The following ANKRD28 variants were observed in gnomAD, a reference collection of about 807,000 sequenced individuals.
ANKRD28 encodes ankyrin repeat domain 28.
Under a neutral mutation model 126.5 loss-of-function variants are expected in ANKRD28, and 44 were observed. The ratio of observed to expected loss-of-function variants is 0.35; its 90% CI spans 0.27 to 0.45. The LOEUF is 0.45. Among genes scored for constraint, ANKRD28 ranks in the 20% least tolerant of loss-of-function variants. The pLI, the probability that ANKRD28 is intolerant of heterozygous loss-of-function variation, is 1.00. For missense variants in ANKRD28, 1,110 were observed against 1,316.6 expected (o/e 0.84, Z 2.43); for synonymous variants, 442 against 468.5 (o/e 0.94, Z 0.73).
rs2066877668 is a variant in ANKRD28, at chr3:15,675,834, C to T, written c.2965+64G>A. 6.7e-6 allele frequency: 9 copies of T among 1,333,738 alleles called. No homozygotes were observed. In the South Asian group the frequency reaches 1.1e-4, roughly 16 times the overall value. The allele number at this position is 1,333,738 out of a possible 1,614,324, so 82.6% of individuals were successfully genotyped here. A position where few individuals can be genotyped will look rare whatever the true frequency, so the allele number is the denominator to read the frequency against. ...ATAAAAAATATCCAAGTTTATTTCT[C>T]TTCAAATATGGATCAAAAGATAAAA... On this transcript the variant is annotated intron_variant, in intron 27 of 27. Transcript: ENST00000683139.
At position 15,796,815 on chromosome 3, in the gene ANKRD28, G is replaced by A. The variant is rs1395309483; in HGVS notation, c.-294C>T. The A allele has an allele frequency of 2.0e-6, 2 of 987,766 alleles. No individual in the cohort carries two copies. The highest frequency in any genetic ancestry group is 3.5e-5 in the African/African-American group (2 of 57,214). The allele number at this position is 987,766 out of a possible 1,614,324, so 61.2% of individuals were successfully genotyped here. ...TGTCAATAACTAAAACTGAGTCCAAGCTCATTTAAAAATATTTTTCCTCTA... is the reference window on the plus strand; with the variant it reads ...TGTCAATAACTAAAACTGAGTCCAAACTCATTTAAAAATATTTTTCCTCTA... On this transcript the variant is annotated 5_prime_UTR_variant, in exon 1 of 28. Transcript: ENST00000683139.
At chr3:15,808,613 G>C (rs2060639934) in intron 1 of ANKRD28, among the ~76,000 whole-genome samples, 1 of 152,192 alleles carries the variant, frequency 6.6e-6, no homozygotes, top group African/African-American at 2.4e-5. Flanking sequence ...CAGAGGAAAA[G>C]GTTCATTCAA....
chr3:15,672,146 ATTTT>A (rs869087310), intron 27 of ANKRD28, among the ~76,000 whole-genome samples: 4 of 136,518 alleles, frequency 2.9e-5, no homozygotes, highest in African/African-American at 8.1e-5. Context: ...TAAAAAAAGG[ATTTT>A]TTTTTTTTTT....
chr3:15,825,644 C>T (rs2061048667), intron 1 of ANKRD28, among the ~76,000 whole-genome samples: 1 of 151,966 alleles, frequency 6.6e-6, no homozygotes, highest in African/African-American at 2.4e-5. Flanking sequence ...AATGATCATA[C>T]TATAATTTAA....
intron 14 of ANKRD28, among the ~76,000 whole-genome samples, chr3:15,702,894 G>A (rs1334489677): frequency 6.7e-6 from 1 of 150,034 alleles, no homozygotes; most frequent in Non-Finnish European, 1.5e-5. Context: ...ATTAGGATAC[G>A]TCAGAACTGT....
chr3:15,739,968 G>A (rs73819150), intron 4 of ANKRD28, among the ~76,000 whole-genome samples: 1 of 152,192 alleles, frequency 6.6e-6, no homozygotes, highest in African/African-American at 2.4e-5. Flanking sequence ...AATGCTCATA[G>A]CAGTTTTATT....
chr3:15,690,188 C>T lies in ANKRD28; in HGVS notation c.1794G>A (p.Val598=), dbSNP rs1474329334. Residue 598 remains valine (V), a synonymous_variant, in exon 18 of 28, where the codon GTG becomes GTA. Transcript: ENST00000683139. ...AYHGHHQALE[V]LVQSLLDLDV... ...CAAGATCTAACAAAGACTGTACCAA[C>T]ACTTCCAGTGCTTGATGGTGACCAT... 1 of 1,606,206 alleles carries T rather than the reference C, an allele frequency of 6.2e-7. No homozygotes were observed. The highest frequency in any genetic ancestry group is 1.1e-5 in the South Asian group (1 of 89,376).
intron 3 of ANKRD28, among the ~76,000 whole-genome samples, chr3:15,765,010 A>C (rs2058674856): frequency 6.6e-6 from 1 of 152,206 alleles, no homozygotes; most frequent in Admixed American, 6.5e-5. Flanking sequence ...AAATCTTCAC[A>C]CAAAATTTCT....
chr3:15,779,039 C>T (rs2059427059), intron 2 of ANKRD28, among the ~76,000 whole-genome samples: 1 of 152,176 alleles, frequency 6.6e-6, no homozygotes, highest in Non-Finnish European at 1.5e-5. Context: ...CCATGCAGAA[C>T]TGTGAGTCAA....
At chr3:15,851,636 A>G (rs1285055990) in intron 1 of ANKRD28, among the ~76,000 whole-genome samples, 1 of 152,180 alleles carries the variant, frequency 6.6e-6, no homozygotes, top group Non-Finnish European at 1.5e-5. Flanking sequence ...AATTTAAGAC[A>G]GACAATAACG....
intron 2 of ANKRD28, among the ~76,000 whole-genome samples, chr3:15,787,127 T>G (rs961062276): frequency 6.6e-6 from 1 of 152,136 alleles, no homozygotes; most frequent in Non-Finnish European, 1.5e-5. Context: ...AAAGTCTCTA[T>G]AGACTAATAT....
chr3:15,854,722 C>T lies in ANKRD28; in HGVS notation c.27+4655G>A, dbSNP rs779772100. ...TCTGTAAGGGTAGAGATGGTAGCTA[C>T]TTCACCCTTGTGTCCCCTGTCATCT... On this transcript the variant is annotated intron_variant, in intron 1 of 27. Transcript: ENST00000399451. This position sits in a 1 kb window ranked among gnomAD's most constrained non-coding sequence, Gnocchi z 4.1. Among the ~76,000 whole-genome samples, 3 of 152,040 alleles carry T rather than the reference C, an allele frequency of 2.0e-5. No individual in the cohort carries two copies. The highest frequency in any genetic ancestry group is 2.9e-5 in the Non-Finnish European group (2 of 68,002).
intron 4 of ANKRD28, among the ~76,000 whole-genome samples, chr3:15,744,356 C>G (rs1368750024): frequency 6.6e-6 from 1 of 152,068 alleles, no homozygotes; most frequent in Non-Finnish European, 1.5e-5. Flanking sequence ...TTTTGTCACC[C>G]AGGCTGGAGC....
chr3:15,689,623 G>A (rs1048283844), intron 18 of ANKRD28, among the ~76,000 whole-genome samples: 4 of 152,212 alleles, frequency 2.6e-5, no homozygotes, highest in African/African-American at 4.8e-5. Context: ...GCTGGAGCAT[G>A]AGGGAGGTTT....
chr3:15,739,575 G>A (rs2075293158), intron 4 of ANKRD28, among the ~76,000 whole-genome samples: 1 of 152,182 alleles, frequency 6.6e-6, no homozygotes, highest in South Asian at 2.1e-4. Flanking sequence ...TATCTGTAAA[G>A]GAGATGGGGG....
At chr3:15,821,619 T>G (rs745980996) in intron 1 of ANKRD28, among the ~76,000 whole-genome samples, 40 of 152,112 alleles carry the variant, frequency 2.6e-4, no homozygotes, top group Non-Finnish European at 5.4e-4. Context: ...ATTCTAGAAT[T>G]CAATTAAAAC....
intron 4 of ANKRD28, among the ~76,000 whole-genome samples, chr3:15,743,644 A>G (rs2057279937): frequency 6.6e-6 from 1 of 152,132 alleles, no homozygotes; most frequent in Non-Finnish European, 1.5e-5. Flanking sequence ...CCATTTATTC[A>G]GAAAAATATG....
At chr3:15,723,881 G>A (rs2470521) in intron 7 of ANKRD28, among the ~76,000 whole-genome samples, 103,956 of 152,092 alleles carry the variant, frequency 0.68, 35,873 homozygotes, top group East Asian at 0.91. Context: ...AATCAAATAT[G>A]TCCAAATAAA....
intron 4 of ANKRD28, among the ~76,000 whole-genome samples, chr3:15,742,777 A>C (rs2057179087): frequency 7.5e-6 from 1 of 133,388 alleles, no homozygotes; most frequent in South Asian, 2.7e-4. Flanking sequence ...CCGCCCGGCC[A>C]GCCACCCGGT....
Sources: gnomAD v4.1 joint callset for allele counts (sites outside exome capture counted in the v4.1 genomes callset) on GRCh38, gnomAD v4.1.1 for gene constraint, Gnocchi (gnomAD v3.1) non-coding constraint, MANE v1.5 for transcripts, NCBI Gene and HGNC (gene_info 2026-07-23, HGNC 2026-07-21) for gene names.